SPAG16: variants seen among roughly 807,000 people sequenced by gnomAD.
SPAG16 encodes sperm associated antigen 16.
In SPAG16, 86 loss-of-function variants were observed where a neutral mutation model predicts 80.4. The ratio of observed to expected loss-of-function variants is 1.07; its 90% CI spans 0.90 to 1.28. The LOEUF is 1.28. Ranked by LOEUF, SPAG16 falls within the 50% of genes most tolerant of loss-of-function variation. SPAG16 has a pLI of 0.00. For synonymous variants in SPAG16, 294 were observed against 265.9 expected (o/e 1.11, Z -1.03); for missense variants, 870 against 765.3 (o/e 1.14, Z -1.61).
At chr2:213,349,877 A>G (rs2065227847) in intron 6 of SPAG16, among the ~76,000 whole-genome samples, 1 of 152,184 alleles carries the variant, frequency 6.6e-6, no homozygotes, top group South Asian at 2.1e-4. Flanking sequence ...TCATATTTTG[A>G]TAATGTATAC....
chr2:213,779,301 C>G (rs906322181), intron 10 of SPAG16, among the ~76,000 whole-genome samples: 3 of 152,176 alleles, frequency 2.0e-5, no homozygotes, highest in African/African-American at 7.2e-5. Context: ...AAACCTTCAA[C>G]TCCACATTCC....
intron 10 of SPAG16, among the ~76,000 whole-genome samples, chr2:213,671,455 A>G (rs1348088777): frequency 2.0e-5 from 3 of 152,118 alleles, no homozygotes; most frequent in African/African-American, 4.8e-5. Context: ...AGTGGCATAC[A>G]TAGCAGAACT....
chr2:214,014,007 T>C lies in SPAG16; in HGVS notation c.1457T>C (p.Phe486Ser). 6.2e-7 allele frequency: 1 copy of C among 1,613,638 alleles called. No homozygotes were observed. The highest frequency in any genetic ancestry group is 8.5e-7 in the Non-Finnish European group (1 of 1,179,778). Residue 486 changes from phenylalanine (F) to serine (S), a missense_variant, in exon 13 of 16, where the codon TTT becomes TCT. Phe to Ser is a radical substitution (Grantham distance 155). Coordinates refer to ENST00000331683, the MANE Select transcript of SPAG16 (RefSeq NM_024532.5). ...ACAGATTCTGTGAACAGCATTGAGT[T>C]TTTTCCTTTCTCCAATACTCTTCTC... ...GHTDSVNSIE[F>S]FPFSNTLLTS...
chr2:213,420,781 A>G (rs1301158742), intron 9 of SPAG16, among the ~76,000 whole-genome samples: 3 of 152,212 alleles, frequency 2.0e-5, no homozygotes, highest in Non-Finnish European at 2.9e-5. Flanking sequence ...AGTTTTTTAA[A>G]TTCTTTTTAA....
chr2:213,899,103 A>G (rs918475165), intron 11 of SPAG16, among the ~76,000 whole-genome samples: 1 of 152,156 alleles, frequency 6.6e-6, no homozygotes, highest in Non-Finnish European at 1.5e-5. Context: ...TAATGGAAAT[A>G]TATGCCTTAT....
At chr2:213,590,461 A>T (rs1200459187) in intron 10 of SPAG16, among the ~76,000 whole-genome samples, 3 of 151,504 alleles carry the variant, frequency 2.0e-5, no homozygotes, top group Non-Finnish European at 2.9e-5. Context: ...AAAAAAAAAC[A>T]AATAACCCCA....
chr2:214,332,081 A>G (rs73087060), intron 15 of SPAG16, among the ~76,000 whole-genome samples: 48,702 of 151,944 alleles, frequency 0.32, 12,258 homozygotes, highest in African/African-American at 0.7. Flanking sequence ...GTGAAATCCC[A>G]CCTCTGCTAA....
At chr2:213,953,627 T>A (rs535344330) in intron 12 of SPAG16, among the ~76,000 whole-genome samples, 59 of 151,752 alleles carry the variant, frequency 3.9e-4, no homozygotes, top group African/African-American at 9.6e-4. Context: ...AAGAAAAAAA[T>A]TTTTAAATTA....
At chr2:213,775,563 T>C (rs184463568) in intron 10 of SPAG16, among the ~76,000 whole-genome samples, 1 of 152,346 alleles carries the variant, frequency 6.6e-6, no homozygotes, top group African/African-American at 2.4e-5. Context: ...TGCTGTATAG[T>C]AGATCTTCAG....
intron 15 of SPAG16, among the ~76,000 whole-genome samples, chr2:214,226,269 A>G (rs2058695678): frequency 1.3e-5 from 2 of 152,038 alleles, no homozygotes. Flanking sequence ...TTCTTCTCAT[A>G]GTGAAGGTGA....
Position 213,710,006 on chromosome 2 carries a change from C to T in SPAG16, c.1071-152479C>T, listed in dbSNP as rs564194993. Among the ~76,000 whole-genome samples, 7 of 152,302 alleles carry T rather than the reference C, an allele frequency of 4.6e-5. No individual in the cohort carries two copies. The East Asian group carries it at 9.6e-4, about 21-fold the overall frequency. ...ATAGGAGGTCAGGCACAGTGGCTCA[C>T]GCCTGTAATCCCAGCACTTTAGAAG... On this transcript the variant is annotated intron_variant, in intron 10 of 15. Coordinates refer to ENST00000331683, the MANE Select transcript of SPAG16 (RefSeq NM_024532.5).
At chr2:213,913,990 TTA>T (rs1362613292) in intron 11 of SPAG16, among the ~76,000 whole-genome samples, 1 of 152,162 alleles carries the variant, frequency 6.6e-6, no homozygotes, top group African/African-American at 2.4e-5. Context: ...ATCTACTGAT[TTA>T]TGTGTTTATT....
chr2:214,283,730 T>C (rs1319185800), intron 15 of SPAG16, among the ~76,000 whole-genome samples: 1 of 152,212 alleles, frequency 6.6e-6, no homozygotes, highest in Non-Finnish European at 1.5e-5. Context: ...CTAATAGTTT[T>C]CTGTTTAATG....
At chr2:214,081,589 C>G (rs189133226) in intron 13 of SPAG16, among the ~76,000 whole-genome samples, 1 of 152,200 alleles carries the variant, frequency 6.6e-6, no homozygotes, top group Non-Finnish European at 1.5e-5. Context: ...CAGAAACTAA[C>G]AGAGAGACAT....
intron 15 of SPAG16, among the ~76,000 whole-genome samples, chr2:214,328,442 C>A (rs1448650983): frequency 6.6e-6 from 1 of 152,184 alleles, no homozygotes; most frequent in African/African-American, 2.4e-5. Flanking sequence ...GGATTACAGG[C>A]GTGAGCCACC....
At chr2:213,852,451 G>A (rs749823083) in intron 10 of SPAG16, among the ~76,000 whole-genome samples, 4 of 152,188 alleles carry the variant, frequency 2.6e-5, no homozygotes, top group South Asian at 2.1e-4. Flanking sequence ...TTTGGTACTC[G>A]CCTTCCTCTC....
intron 10 of SPAG16, among the ~76,000 whole-genome samples, chr2:213,555,231 T>C (rs1042190782): frequency 5.9e-5 from 9 of 152,202 alleles, no homozygotes; most frequent in Admixed American, 3.9e-4. Flanking sequence ...AAATAAGTTT[T>C]ATCCAGTGAT....
At chr2:213,522,444 G>A (rs1481382367) in intron 10 of SPAG16, among the ~76,000 whole-genome samples, 1 of 152,176 alleles carries the variant, frequency 6.6e-6, no homozygotes, top group African/African-American at 2.4e-5. Context: ...AGAGAGAACT[G>A]GGCAGAGGGA....
intron 13 of SPAG16, among the ~76,000 whole-genome samples, chr2:214,014,716 T>G (rs970123865): frequency 1.3e-5 from 2 of 152,156 alleles, no homozygotes; most frequent in African/African-American, 2.4e-5. Flanking sequence ...TAGGCAAGAA[T>G]GTACAGAGAC....
Sources: allele counts gnomAD v4.1 joint callset (sites outside exome capture counted in the v4.1 genomes callset), GRCh38; gene constraint gnomAD v4.1.1; transcripts MANE v1.5; gene names NCBI Gene and HGNC (gene_info 2026-07-23, HGNC 2026-07-21).